The following PDE11A variants were observed in gnomAD, a reference collection of about 807,000 sequenced individuals.
PDE11A encodes the protein dual 3',5'-cyclic-AMP and -GMP phosphodiesterase 11A.
In PDE11A, 100 loss-of-function variants were observed where a neutral mutation model predicts 100.5. The observed-to-expected ratio is 1.00, with a 90% CI of 0.85 to 1.18. The LOEUF (loss-of-function observed/expected upper bound fraction) is 1.18, where lower values mean the gene tolerates loss of function less well. Ranked by LOEUF, PDE11A falls within the 50% of genes most tolerant of loss-of-function variation. The probability of loss-of-function intolerance (pLI) is 0.00; values close to 1 mark genes in which losing one functional copy is unlikely to be tolerated. For missense variants in PDE11A, 1,141 were observed against 1,152.6 expected, an observed-to-expected ratio of 0.99 and a Z score of 0.15; for synonymous variants, 381 against 420.8, an observed-to-expected ratio of 0.91 and a Z score of 1.16.
intron 17 of PDE11A, among the ~76,000 whole-genome samples, chr2:177,671,383 T>A (rs2080677998): frequency 6.6e-6 from 1 of 152,122 alleles, no homozygotes; most frequent in South Asian, 2.1e-4. Flanking sequence ...GAGATGCTAA[T>A]CAGGCCTTGG....
In PDE11A at chr2:177,627,800, C is replaced by G. The variant is rs1371627754; in HGVS notation, c.*1607G>C. 1.3e-5 allele frequency: 2 copies of G among 152,224 alleles called. No homozygotes were observed. The highest frequency in any genetic ancestry group is 4.8e-5 in the African/African-American group (2 of 41,438). The allele number at this position is 152,224 out of a possible 1,614,324, so 9.4% of individuals were successfully genotyped here. On this transcript the variant is annotated 3_prime_UTR_variant, in exon 20 of 20. Transcript: ENST00000286063. The stretch of plus-strand genomic sequence containing the variant: ...AGCAGAGGTTGCAGTAAGCCGAGAT[C>G]ACGCCATTGCACTCCAGCCTGGGCA...
chr2:178,069,163 A>G (rs2087090840), intron 1 of PDE11A, among the ~76,000 whole-genome samples: 1 of 152,190 alleles, frequency 6.6e-6, no homozygotes, highest in African/African-American at 2.4e-5. Flanking sequence ...TGTACCAGAT[A>G]TTATTTTAGG....
intron 1 of PDE11A, among the ~76,000 whole-genome samples, chr2:178,052,862 G>A (rs2086846463): frequency 6.6e-6 from 1 of 152,058 alleles, no homozygotes; most frequent in African/African-American, 2.4e-5. Context: ...TGAAACTGAG[G>A]CAATAATTAA....
At chr2:177,863,880 T>C (rs572824058) in intron 5 of PDE11A, among the ~76,000 whole-genome samples, 5 of 152,184 alleles carry the variant, frequency 3.3e-5, no homozygotes, top group African/African-American at 1.2e-4. Context: ...TATAAAGATA[T>C]CTACTTTCTC....
At chr2:177,759,309 C>T (rs940127610) in intron 10 of PDE11A, among the ~76,000 whole-genome samples, 4 of 152,116 alleles carry the variant, frequency 2.6e-5, no homozygotes, top group African/African-American at 9.7e-5. Flanking sequence ...CATCATATTT[C>T]AGATGTGCAG....
At chr2:177,655,734 G>T (rs796611704) in intron 19 of PDE11A, among the ~76,000 whole-genome samples, 1 of 151,978 alleles carries the variant, frequency 6.6e-6, no homozygotes, top group Non-Finnish European at 1.5e-5. Context: ...GTTGATGTTT[G>T]TACTGATTAC....
Position 177,769,515 on chromosome 2 carries a change from G to A in PDE11A, c.1738-142C>T, listed in dbSNP as rs59069916. 1.1e-4 allele frequency: 68 copies of A among 639,748 alleles called. 1 individual carries two copies. The East Asian group carries it at 1.2e-3, about 12-fold the overall frequency. 39.6% of individuals were successfully genotyped at this position (639,748 alleles called of 1,614,324 possible). A position where few individuals can be genotyped will look rare whatever the true frequency, so the allele number is the denominator to read the frequency against. ...TTTAATGTATGACAAGAAACAACAT[G>A]TCTAATAACATTCTCTGACATAATT... On this transcript the variant is annotated intron_variant, in intron 9 of 19. Transcript: ENST00000286063.
At chr2:177,896,483 C>G (rs954076660) in intron 4 of PDE11A, among the ~76,000 whole-genome samples, 15 of 152,288 alleles carry the variant, frequency 9.8e-5, no homozygotes, top group Admixed American at 3.3e-4. Context: ...CAGACCCTCA[C>G]CCCCAGCCAC....
chr2:177,944,978 G>A (rs991056405), intron 2 of PDE11A, among the ~76,000 whole-genome samples: 42 of 149,822 alleles, frequency 2.8e-4, no homozygotes, highest in African/African-American at 9.9e-4. Context: ...TTGCAGGCAC[G>A]CGCCGCCACG....
chr2:177,850,879 G>C (rs1465124297), intron 5 of PDE11A, among the ~76,000 whole-genome samples: 2 of 152,068 alleles, frequency 1.3e-5, no homozygotes, highest in Admixed American at 1.3e-4. Flanking sequence ...TAAAAAGTCA[G>C]GAAACAACAG....
chr2:177,992,774 C>A (rs1234595276), intron 2 of PDE11A, among the ~76,000 whole-genome samples: 1 of 152,104 alleles, frequency 6.6e-6, no homozygotes, highest in African/African-American at 2.4e-5. Flanking sequence ...CAAATATCAG[C>A]CTTAACAAAG....
chr2:178,053,806 G>A (rs935628388), intron 1 of PDE11A, among the ~76,000 whole-genome samples: 4 of 152,180 alleles, frequency 2.6e-5, no homozygotes, highest in African/African-American at 7.2e-5. Flanking sequence ...AACTTACAAG[G>A]GACGTGAAGG....
At chr2:177,715,085 TCTTA>T (rs1408991626) in intron 12 of PDE11A, among the ~76,000 whole-genome samples, 1 of 152,088 alleles carries the variant, frequency 6.6e-6, no homozygotes, top group Non-Finnish European at 1.5e-5. Flanking sequence ...TGAGAAAAGG[TCTTA>T]CTGTTTTTAA....
intron 9 of PDE11A, among the ~76,000 whole-genome samples, chr2:177,806,902 A>G (rs2082880569): frequency 6.6e-6 from 1 of 152,144 alleles, no homozygotes; most frequent in African/African-American, 2.4e-5. Flanking sequence ...GAACTGAAAA[A>G]TGTCAGAGTG....
At chr2:177,995,954 C>T (rs1408103829) in intron 2 of PDE11A, among the ~76,000 whole-genome samples, 1 of 152,154 alleles carries the variant, frequency 6.6e-6, no homozygotes, top group Non-Finnish European at 1.5e-5. Context: ...TAGCTGGGCG[C>T]GGTGGCTCAA....
intron 2 of PDE11A, among the ~76,000 whole-genome samples, chr2:178,000,572 A>ACC (rs1404946201): frequency 6.6e-6 from 1 of 152,256 alleles, no homozygotes; most frequent in Non-Finnish European, 1.5e-5. Context: ...ATAATAAACA[A>ACC]CCATAAATTT....
At chr2:178,099,757 C>CA (rs2087538793) in intron 2 of PDE11A, among the ~76,000 whole-genome samples, 1 of 152,148 alleles carries the variant, frequency 6.6e-6, no homozygotes, top group Non-Finnish European at 1.5e-5. Context: ...AATTCCACTT[C>CA]TGGGTATATA....
At chr2:177,776,545 C>T (rs1323066432) in intron 9 of PDE11A, among the ~76,000 whole-genome samples, 2 of 151,072 alleles carry the variant, frequency 1.3e-5, no homozygotes, top group East Asian at 1.9e-4. Context: ...CCCCCAATCC[C>T]CACCAATTCA....
intron 19 of PDE11A, among the ~76,000 whole-genome samples, chr2:177,641,606 T>C (rs767190971): frequency 1.2e-4 from 18 of 152,116 alleles, no homozygotes; most frequent in Non-Finnish European, 2.1e-4. Flanking sequence ...AAACTCAAGG[T>C]TGTGTAAAAA....
Sources: allele counts gnomAD v4.1 joint callset (sites outside exome capture counted in the v4.1 genomes callset), GRCh38; gene constraint gnomAD v4.1.1; transcripts MANE v1.5; gene names NCBI Gene and HGNC (gene_info 2026-07-23, HGNC 2026-07-21).